The following SEL1L2 variants were observed in gnomAD, a reference collection of about 807,000 sequenced individuals.
SEL1L2 encodes the protein protein sel-1 homolog 2.
In SEL1L2, 89 loss-of-function variants were observed where a neutral mutation model predicts 98.8. The ratio of observed to expected loss-of-function variants is 0.90; its 90% CI spans 0.76 to 1.07. The LOEUF is 1.07. SEL1L2 is among the 50% of genes least tolerant of loss of function. The pLI, the probability that SEL1L2 is intolerant of heterozygous loss-of-function variation, is 0.00. For synonymous variants in SEL1L2, 262 were observed against 278.5 expected (o/e 0.94, Z 0.59); for missense variants, 788 against 812.0 (o/e 0.97, Z 0.36).
intron 5 of SEL1L2, among the ~76,000 whole-genome samples, chr20:13,912,479 T>A (rs906014756): frequency 1.3e-5 from 2 of 152,040 alleles, no homozygotes; most frequent in African/African-American, 4.8e-5. Flanking sequence ...GTATTTTTAG[T>A]AGAGACGGGG....
chr20:13,934,443 TTCC>T (rs1455250323), intron 2 of SEL1L2, among the ~76,000 whole-genome samples: 1 of 104,966 alleles, frequency 9.5e-6, no homozygotes, highest in African/African-American at 4.3e-5. Flanking sequence ...CATATATATA[TTCC>T]ATATATATAT....
At chr20:13,880,312 T>C (rs967783650) in intron 10 of SEL1L2, among the ~76,000 whole-genome samples, 1 of 152,228 alleles carries the variant, frequency 6.6e-6, no homozygotes, top group African/African-American at 2.4e-5. Flanking sequence ...CTTGTTCTCC[T>C]GAAGCAAATA....
intron 5 of SEL1L2, among the ~76,000 whole-genome samples, chr20:13,907,019 C>A (rs2047963244): frequency 6.6e-6 from 1 of 152,068 alleles, no homozygotes; most frequent in Admixed American, 6.6e-5. Flanking sequence ...AATGTGGAAT[C>A]TTTGCCATTA....
intron 12 of SEL1L2, among the ~76,000 whole-genome samples, chr20:13,871,857 GTTCCTA>G (rs1411221251): frequency 1.3e-5 from 2 of 152,044 alleles, no homozygotes; most frequent in African/African-American, 4.8e-5. Flanking sequence ...TGTTTTACAG[GTTCCTA>G]GTATTTCTGC....
intron 1 of SEL1L2, among the ~76,000 whole-genome samples, chr20:13,969,535 T>C (rs1401661146): frequency 6.6e-6 from 1 of 152,214 alleles, no homozygotes; most frequent in Admixed American, 6.5e-5. Context: ...TTTTAATTTC[T>C]TCTATCTGAC....
At chr20:13,864,965 C>T (rs985751403) in intron 17 of SEL1L2, among the ~76,000 whole-genome samples, 1 of 152,028 alleles carries the variant, frequency 6.6e-6, no homozygotes, top group African/African-American at 2.4e-5. Context: ...GAATCAGGGA[C>T]CTTGATAATA....
chr20:13,994,286 ACT>A (rs1384595374), upstream of SEL1L2, among the ~76,000 whole-genome samples: 1 of 138,390 alleles, frequency 7.2e-6, no homozygotes, highest in African/African-American at 2.8e-5. Flanking sequence ...CAAGAGTGAA[ACT>A]CTGCCTCAAA....
At chr20:13,864,043 T>C (rs144749585) in intron 17 of SEL1L2, among the ~76,000 whole-genome samples, 3 of 152,138 alleles carry the variant, frequency 2.0e-5, no homozygotes, top group Non-Finnish European at 4.4e-5. Context: ...GTTTTCAATG[T>C]CTCTTTTCCT....
Position 13,859,399 on chromosome 20 carries a change from G to A in SEL1L2, c.1681C>T (p.His561Tyr), listed in dbSNP as rs200813550. 115 of 1,613,818 alleles carry A rather than the reference G, an allele frequency of 7.1e-5. No individual in the cohort carries two copies. The African/African-American group carries it at 1.4e-3, about 19-fold the overall frequency. Residue 561 changes from histidine (H) to tyrosine (Y), a missense_variant, in exon 18 of 20, where the codon CAT (histidine) becomes TAT (tyrosine). Coordinates refer to ENST00000284951, the MANE Select transcript of SEL1L2 (RefSeq NM_025229.2). ...AFARVKIGDY[H>Y]YYGYGTKKDY... Reference sequence around the variant, plus strand: ...TTCTTAGTCCCATAGCCATAGTAATGGTAATCTCCAATTTTTACTCTAGCA... The same window carrying A: ...TTCTTAGTCCCATAGCCATAGTAATAGTAATCTCCAATTTTTACTCTAGCA...
At chr20:13,966,269 TTTC>T (rs1428145403) in intron 1 of SEL1L2, among the ~76,000 whole-genome samples, 3 of 151,950 alleles carry the variant, frequency 2.0e-5, no homozygotes, top group South Asian at 2.1e-4. Flanking sequence ...TGGTGTTTGT[TTTC>T]TTCTTCTTCT....
chr20:13,983,044 A>AAAAAAAAAAAAAAAAAAAAAAAAAAAAAC (rs2051932584), intron 1 of SEL1L2, among the ~76,000 whole-genome samples: 1 of 144,294 alleles, frequency 6.9e-6, no homozygotes, highest in Non-Finnish European at 1.5e-5. Flanking sequence ...AAAAAAAAAA[A>AAAAAAAAAAAAAAAAAAAAAAAAAAAAAC]AAAAGCAGCA....
At chr20:13,952,143 G>A (rs2050306311) in intron 2 of SEL1L2, among the ~76,000 whole-genome samples, 1 of 152,180 alleles carries the variant, frequency 6.6e-6, no homozygotes, top group South Asian at 2.1e-4. Flanking sequence ...TGTTGGAGGA[G>A]GATTCAATTC....
chr20:13,977,326 T>A (rs2051589317), intron 1 of SEL1L2, among the ~76,000 whole-genome samples: 1 of 151,984 alleles, frequency 6.6e-6, no homozygotes, highest in African/African-American at 2.4e-5. Flanking sequence ...GACAAGCCCA[T>A]GAAAGAGCCT....
chr20:13,857,084 A>T (rs554581924), intron 18 of SEL1L2, among the ~76,000 whole-genome samples: 124 of 152,344 alleles, frequency 8.1e-4, no homozygotes, highest in African/African-American at 2.8e-3. Flanking sequence ...CTGGATACTC[A>T]GTTATTATTT....
intron 17 of SEL1L2, among the ~76,000 whole-genome samples, chr20:13,861,680 C>CT (rs1285634368): frequency 6.6e-6 from 1 of 152,084 alleles, no homozygotes; most frequent in Non-Finnish European, 1.5e-5. Context: ...AATGTAAAAT[C>CT]AAGTTATGTT....
chr20:13,910,924 A>C (rs1044212907), intron 5 of SEL1L2, among the ~76,000 whole-genome samples: 1 of 152,234 alleles, frequency 6.6e-6, no homozygotes, highest in African/African-American at 2.4e-5. Flanking sequence ...CTCCAACTTC[A>C]GCTCTAAAAT....
At chr20:13,922,320 G>A (rs1305939485) in intron 3 of SEL1L2, among the ~76,000 whole-genome samples, 3 of 152,102 alleles carry the variant, frequency 2.0e-5, no homozygotes, top group Non-Finnish European at 4.4e-5. Context: ...CCTGATTATT[G>A]TAAATATATT....
chr20:13,939,035 GTTTTGTTTTT>G (rs2049598884), intron 2 of SEL1L2, among the ~76,000 whole-genome samples: 1 of 31,472 alleles, frequency 3.2e-5, no homozygotes, highest in African/African-American at 1.1e-4. Flanking sequence ...TTGTTTGCTT[GTTTTGTTTTT>G]TTTTTTTTTT....
chr20:13,977,269 C>T (rs944678095), intron 1 of SEL1L2, among the ~76,000 whole-genome samples: 2 of 152,078 alleles, frequency 1.3e-5, no homozygotes, highest in Non-Finnish European at 2.9e-5. Context: ...AGCAAGAAAG[C>T]CAAGCACCGA....
Sources: gnomAD v4.1 joint callset for allele counts (sites outside exome capture counted in the v4.1 genomes callset) on GRCh38, gnomAD v4.1.1 for gene constraint, MANE v1.5 for transcripts, NCBI Gene and HGNC (gene_info 2026-07-23, HGNC 2026-07-21) for gene names.